ROBO2: variants seen among roughly 807,000 people sequenced by gnomAD.
ROBO2 encodes roundabout guidance receptor 2.
ROBO2 carries 53 observed loss-of-function variants against 160.8 expected under a neutral mutation model. The ratio of observed to expected loss-of-function variants is 0.33; its 90% CI spans 0.26 to 0.41. ROBO2 has a LOEUF of 0.41. Ranked by LOEUF, ROBO2 falls within the 10% of genes least tolerant of loss-of-function variation. ROBO2 has a pLI of 1.00. For missense variants in ROBO2, 1,577 were observed against 1,722.4 expected (o/e 0.92, Z 1.49); for synonymous variants, 664 against 611.7 (o/e 1.09, Z -1.26).
chr3:76,946,373 ACCCTGTGTAGGGCT>A (rs1408316229), intron 2 of ROBO2, among the ~76,000 whole-genome samples: 3 of 151,828 alleles, frequency 2.0e-5, no homozygotes, highest in Non-Finnish European at 2.9e-5. Flanking sequence ...CTTGAAAAGG[ACCCTGTGTAGGGCT>A]CCCAGATTCT....
At chr3:76,326,797 G>A (rs1259336822) in intron 2 of ROBO2, among the ~76,000 whole-genome samples, 1 of 105,906 alleles carries the variant, frequency 9.4e-6, no homozygotes, top group African/African-American at 3.9e-5. Flanking sequence ...AGTCCCCAGA[G>A]CGTGATGTTC....
chr3:77,085,596 A>G (rs1417117059), intron 1 of ROBO2, among the ~76,000 whole-genome samples: 1 of 152,098 alleles, frequency 6.6e-6, no homozygotes, highest in Non-Finnish European at 1.5e-5. Context: ...GTATTTGGAT[A>G]CCTTTATAAG....
intron 2 of ROBO2, among the ~76,000 whole-genome samples, chr3:77,369,443 G>A (rs2071423085): frequency 6.6e-6 from 1 of 152,200 alleles, no homozygotes; most frequent in Admixed American, 6.6e-5. Context: ...ATGAATGACA[G>A]TCTCTTGGAA....
At position 77,642,953 on chromosome 3, in the gene ROBO2, G is replaced by T. The variant is rs1056328930; in HGVS notation, c.3935-1751G>T. 2 of 456,290 alleles carry T rather than the reference G, an allele frequency of 4.4e-6. No homozygotes were observed. The highest frequency in any genetic ancestry group is 2.3e-5 in the Admixed American group (1 of 42,562). 28.3% of individuals were successfully genotyped at this position (456,290 alleles called of 1,614,324 possible). ...CAAGGTGTCGGATCAGGTGTGTTCTGCACAGTCCCAAGAAAGTGTGGACTG... is the reference window on the plus strand; with the variant it reads ...CAAGGTGTCGGATCAGGTGTGTTCTTCACAGTCCCAAGAAAGTGTGGACTG... On this transcript the variant is annotated intron_variant, in intron 24 of 25. Coordinates refer to ENST00000461745, the Ensembl canonical transcript of ROBO2.
intron 2 of ROBO2, among the ~76,000 whole-genome samples, chr3:77,302,833 C>G (rs1002251044): frequency 6.6e-6 from 1 of 152,044 alleles, no homozygotes; most frequent in Non-Finnish European, 1.5e-5. Context: ...AGAAAATGGC[C>G]GAGGAAATTT....
chr3:77,193,853 T>C (rs2082091674), intron 2 of ROBO2, among the ~76,000 whole-genome samples: 1 of 152,164 alleles, frequency 6.6e-6, no homozygotes, highest in Non-Finnish European at 1.5e-5. Flanking sequence ...AAGTGAAGCC[T>C]ACCCCCTCCT....
At chr3:77,574,556 G>A (rs1337804975) in exon 14 of ROBO2, 5 of 1,613,464 alleles carry the variant, frequency 3.1e-6, no homozygotes, top group Non-Finnish European at 3.4e-6. Flanking sequence ...TCAGACTTCA[G>A]GTCTGCAGGC....
chr3:76,996,309 A>G (rs2061002516), intron 2 of ROBO2, among the ~76,000 whole-genome samples: 1 of 152,070 alleles, frequency 6.6e-6, no homozygotes, highest in South Asian at 2.1e-4. Context: ...CCATTGGTCT[A>G]TATCTCTGTT....
intron 2 of ROBO2, among the ~76,000 whole-genome samples, chr3:76,698,514 T>C (rs1456656207): frequency 1.3e-5 from 2 of 152,172 alleles, no homozygotes; most frequent in African/African-American, 2.4e-5. Flanking sequence ...GAAAGAGATA[T>C]GCACGTTCAG....
At chr3:76,836,929 T>G (rs924793189) in intron 2 of ROBO2, among the ~76,000 whole-genome samples, 2 of 151,898 alleles carry the variant, frequency 1.3e-5, no homozygotes, top group African/African-American at 4.8e-5. Context: ...ATCTTATATA[T>G]CCTTATAGAT....
At position 77,171,568 on chromosome 3, in the gene ROBO2, T is replaced by C. The variant is rs188850107; in HGVS notation, c.388+73228T>C. On this transcript the variant is annotated intron_variant, in intron 2 of 25. Coordinates refer to ENST00000461745, the Ensembl canonical transcript of ROBO2. The stretch of plus-strand genomic sequence containing the variant: ...GTTATATTTGTGGTATGTTTCCTCA[T>C]GAGTTAACTTTTATGACTTTTCTTG... Among the ~76,000 whole-genome samples the C allele has an allele frequency of 2.9e-3, 436 of 152,356 alleles. 1 individual carries two copies. The highest frequency in any genetic ancestry group is 9.9e-3 in the African/African-American group (412 of 41,592).
intron 2 of ROBO2, among the ~76,000 whole-genome samples, chr3:76,530,782 C>T (rs774216): frequency 2.0e-5 from 3 of 151,970 alleles, no homozygotes; most frequent in Non-Finnish European, 1.5e-5. Flanking sequence ...AATACACAGC[C>T]GATACTATTT....
At chr3:77,541,970 G>T (rs575917564) in intron 6 of ROBO2, among the ~76,000 whole-genome samples, 2 of 152,052 alleles carry the variant, frequency 1.3e-5, no homozygotes, top group East Asian at 3.9e-4. Context: ...TACTTAATGG[G>T]AGTCATTATA....
intron 2 of ROBO2, among the ~76,000 whole-genome samples, chr3:77,282,903 T>C (rs377384309): frequency 3.9e-4 from 59 of 151,716 alleles, no homozygotes; most frequent in Admixed American, 3.2e-3. Context: ...AGAATAAATA[T>C]CTAATTATTG....
chr3:77,066,971 TC>T (rs892526917), intron 1 of ROBO2, among the ~76,000 whole-genome samples: 10 of 146,750 alleles, frequency 6.8e-5, no homozygotes, highest in South Asian at 2.2e-4. Flanking sequence ...TCTTTTCCCC[TC>T]CCCCCTCCAC....
chr3:77,053,751 C>T (rs559314538), intron 1 of ROBO2, among the ~76,000 whole-genome samples: 31 of 152,056 alleles, frequency 2.0e-4, no homozygotes, highest in Non-Finnish European at 3.4e-4. Context: ...AAAACTAATG[C>T]TTTATTTGGT....
chr3:76,309,006 CA>C (rs2071448925), intron 2 of ROBO2, among the ~76,000 whole-genome samples: 5 of 152,176 alleles, frequency 3.3e-5, no homozygotes. Flanking sequence ...TTATTATATT[CA>C]AACCTATTTG....
intron 2 of ROBO2, among the ~76,000 whole-genome samples, chr3:76,352,343 T>C (rs769402420): frequency 1.3e-5 from 2 of 152,000 alleles, no homozygotes; most frequent in Non-Finnish European, 2.9e-5. Flanking sequence ...TCGTTCCTAC[T>C]GGTTTTCCTC....
intron 6 of ROBO2, among the ~76,000 whole-genome samples, chr3:77,529,682 T>C (rs999679745): frequency 5.9e-5 from 9 of 151,896 alleles, no homozygotes; most frequent in Admixed American, 5.3e-4. Context: ...CATTTTTTAT[T>C]CCCGTTTGAA....
Sources: allele counts gnomAD v4.1 joint callset (sites outside exome capture counted in the v4.1 genomes callset), GRCh38; gene constraint gnomAD v4.1.1; transcripts MANE v1.5; gene names NCBI Gene and HGNC (gene_info 2026-07-23, HGNC 2026-07-21).